Variants in SP140 observed in about 807,000 individuals in gnomAD.
SP140 encodes nuclear body protein SP140.
SP140 carries 81 observed loss-of-function variants against 125.0 expected under a neutral mutation model. That is an observed-to-expected ratio of 0.65 (90% confidence interval 0.54 to 0.78). SP140 has a LOEUF of 0.78. Ranked by LOEUF, SP140 falls within the 30% of genes least tolerant of loss-of-function variation. The pLI, the probability that SP140 is intolerant of heterozygous loss-of-function variation, is 0.00. For missense variants in SP140, 858 were observed against 1,037.0 expected, an observed-to-expected ratio of 0.83 and a Z score of 2.37; for synonymous variants, 312 against 354.0, an observed-to-expected ratio of 0.88 and a Z score of 1.33.
chr2:230,221,763 G>A (rs2045840006), upstream of SP140: 2 of 1,531,666 alleles, frequency 1.3e-6, no homozygotes, highest in Admixed American at 2.0e-5. Context: ...GATCCTGGCA[G>A]CAAGAACTTC....
In SP140 at chr2:230,212,931, G is replaced by A. The variant is rs114017623; in HGVS notation, c.-322-723G>A. ...TTGAGGGGGTTGTGGTGGGGGCAGC[G>A]CCAGTGGGGTATGGAGGGAGCTTCC... is the stretch of plus-strand genomic sequence containing the variant. On this transcript the variant is annotated intron_variant, in intron 1 of 4. Transcript: ENST00000456542. 36 of 1,614,072 alleles carry A rather than the reference G, an allele frequency of 2.2e-5. No homozygotes were observed. Among genetic ancestry groups the A allele is most frequent in the African/African-American group, 2.0e-4 (15 of 75,006 alleles).
chr2:230,189,696 C>A, the SP140 span, among the ~76,000 whole-genome samples: 1 of 152,084 alleles, frequency 6.6e-6, no homozygotes, highest in Admixed American at 6.5e-5. Context: ...CTCCCCTCAC[C>A]ACCCACACCC....
chr2:230,272,086 ATTCCATG>A (rs1483158267), intron 15 of SP140, among the ~76,000 whole-genome samples: 2 of 152,258 alleles, frequency 1.3e-5, no homozygotes, highest in Non-Finnish European at 2.9e-5. Context: ...ATGGAAAAAC[ATTCCATG>A]TTCATGGATA....
In SP140 at chr2:230,255,550, G is replaced by T. The variant is rs746420820; in HGVS notation, c.1240+18G>T. 7.5e-5 allele frequency: 113 copies of T among 1,505,572 alleles called. No homozygotes were observed. Among genetic ancestry groups the T allele is most frequent in the Admixed American group, 3.1e-4 (18 of 57,856 alleles). The allele number at this position is 1,505,572 out of a possible 1,614,324, so 93.3% of individuals were successfully genotyped here. A position where few individuals can be genotyped will look rare whatever the true frequency, so the allele number is the denominator to read the frequency against. On this transcript the variant is annotated intron_variant, in intron 12 of 26. Transcript: ENST00000392045. ...TGGGTCAGGTAAGGACGGGGGGGGG[G>T]ATTTCTGGCCCTGGGCTGCAGAGTG... is the stretch of plus-strand genomic sequence containing the variant.
At chr2:230,256,341 C>A (rs1382429307) in intron 12 of SP140, among the ~76,000 whole-genome samples, 5 of 151,748 alleles carry the variant, frequency 3.3e-5, no homozygotes, top group Non-Finnish European at 5.9e-5. Context: ...TACTATGCAG[C>A]CATAAAAAAT....
At position 230,307,986 on chromosome 2, in the gene SP140, T is replaced by C. The variant is rs867379360; in HGVS notation, c.2059-1938T>C. On this transcript the variant is annotated intron_variant, in intron 22 of 26. Coordinates refer to ENST00000392045, the MANE Select transcript of SP140 (RefSeq NM_007237.5). The stretch of plus-strand genomic sequence containing the variant: ...ATATATATATATATATATATATATA[T>C]ATATACACACACACACACACACACA... 4.3e-4 allele frequency among the ~76,000 whole-genome samples: 37 copies of C among 85,620 alleles called. 2 individuals carry two copies. The highest frequency in any genetic ancestry group is 1.2e-3 in the African/African-American group (25 of 20,334). The allele number at this position is 85,620 out of a possible 152,430, so 56.2% of individuals were successfully genotyped here.
intron 1 of SP140, among the ~76,000 whole-genome samples, chr2:230,206,631 A>G (rs1178559113): frequency 9.6e-6 from 1 of 104,516 alleles, no homozygotes; most frequent in Non-Finnish European, 2.0e-5. Flanking sequence ...ATATATATAT[A>G]TATATATGGA....
At chr2:230,239,028 G>A in intron 3 of SP140, 1 of 1,404,660 alleles carries the variant, frequency 7.1e-7, no homozygotes, top group Non-Finnish European at 9.3e-7. Context: ...GGAATCTGGA[G>A]TTTAATTTTT....
At chr2:230,297,365 A>G (rs2057839123) in intron 21 of SP140, 56 bp from the exon 22 acceptor site, 10 of 1,568,748 alleles carry the variant, frequency 6.4e-6, no homozygotes, top group Non-Finnish European at 8.7e-6. Flanking sequence ...TAAATAAGTG[A>G]TAGATGGAAA....
chr2:230,273,491 GT>G (rs2054240639), intron 15 of SP140, among the ~76,000 whole-genome samples: 1 of 152,208 alleles, frequency 6.6e-6, no homozygotes, highest in Non-Finnish European at 1.5e-5. Flanking sequence ...TATACACACT[GT>G]TGCTGGGAGT....
chr2:230,208,129 A>G (rs1455488771), intron 1 of SP140: 1 of 933,220 alleles, frequency 1.1e-6, no homozygotes. Flanking sequence ...AATGATATTC[A>G]GCTTTTACTT....
rs1005795116 is a variant in SP140, at chr2:230,285,738, C to T, written c.1565-14C>T. 1.2e-6 allele frequency: 2 copies of T among 1,607,606 alleles called. No homozygotes were observed. Among genetic ancestry groups the T allele is most frequent in the Non-Finnish European group, 8.5e-7 (1 of 1,174,186 alleles). On this transcript the variant is annotated splice_polypyrimidine_tract_variant and intron_variant, in intron 16 of 26. Coordinates refer to ENST00000392045, the MANE Select transcript of SP140 (RefSeq NM_007237.5). ...CCCAGTTCTATTAATACATTTTCCC[C>T]TGCCTATCCCCAGATAATAGCAAAG... is the stretch of plus-strand genomic sequence containing the variant.
At chr2:230,239,078 A>C in intron 3 of SP140, 1 of 1,378,944 alleles carries the variant, frequency 7.3e-7, no homozygotes, top group East Asian at 2.6e-5. Flanking sequence ...AAACGGGAAA[A>C]GTAAAAGAAG....
upstream of SP140, among the ~76,000 whole-genome samples, chr2:230,221,116 A>C (rs1220531639): frequency 6.6e-6 from 1 of 151,970 alleles, no homozygotes; most frequent in African/African-American, 2.4e-5. Context: ...CCCCATCTCT[A>C]CTAAAAATAC....
upstream of SP140, chr2:230,200,893 A>T (rs200263454): frequency 1.2e-6 from 2 of 1,611,964 alleles, no homozygotes; most frequent in Non-Finnish European, 1.7e-6. Flanking sequence ...ACCTTGTGTG[A>T]CCCTTCGTGG....
chr2:230,297,569 G>A, intron 22 of SP140, 107 bp downstream of exon 22: 1 of 1,321,216 alleles, frequency 7.6e-7, no homozygotes, highest in Non-Finnish European at 1.1e-6. Context: ...AGTCTCAGCT[G>A]GAGTATGTGG....
chr2:230,226,328 G>A (rs1200463954), intron 1 of SP140, among the ~76,000 whole-genome samples: 1 of 152,182 alleles, frequency 6.6e-6, no homozygotes, highest in African/African-American at 2.4e-5. Flanking sequence ...TCCAGGCTGT[G>A]TAGTTGGGGA....
intron 3 of SP140, among the ~76,000 whole-genome samples, chr2:230,220,553 C>G (rs1157621934): frequency 6.6e-6 from 1 of 152,126 alleles, no homozygotes; most frequent in Admixed American, 6.5e-5. Flanking sequence ...AGAAAAATGG[C>G]TGAGAGCTGG....
intron 8 of SP140, among the ~76,000 whole-genome samples, chr2:230,248,455 T>A (rs1226247877): frequency 2.0e-5 from 3 of 151,442 alleles, no homozygotes; most frequent in Non-Finnish European, 4.4e-5. Context: ...CAGGGATCAA[T>A]GTAAGGCTTT....
Sources: gnomAD v4.1 joint callset for allele counts (sites outside exome capture counted in the v4.1 genomes callset) on GRCh38, gnomAD v4.1.1 for gene constraint, MANE v1.5 for transcripts, NCBI Gene and HGNC (gene_info 2026-07-23, HGNC 2026-07-21) for gene names.